Variants in EPHB1 observed in about 807,000 individuals in gnomAD.
The protein encoded by EPHB1 is ephrin type-B receptor 1.
EPHB1 carries 30 observed loss-of-function variants against 94.4 expected under a neutral mutation model. The ratio of observed to expected loss-of-function variants is 0.32; its 90% CI spans 0.24 to 0.43. The LOEUF (loss-of-function observed/expected upper bound fraction) is 0.43, where lower values mean the gene tolerates loss of function less well. EPHB1 is among the 20% of genes least tolerant of loss of function. EPHB1 has a pLI of 1.00. For synonymous variants in EPHB1, 522 were observed against 489.1 expected (o/e 1.07, Z -0.89); for missense variants, 1,055 against 1,308.3 (o/e 0.81, Z 2.99).
intron 1 of EPHB1, among the ~76,000 whole-genome samples, chr3:134,845,378 T>A (rs2036854137): frequency 6.6e-6 from 1 of 152,118 alleles, no homozygotes; most frequent in Non-Finnish European, 1.5e-5. Context: ...CATCTACCCA[T>A]CCATCTTGCT....
intron 1 of EPHB1, among the ~76,000 whole-genome samples, chr3:134,909,909 A>G (rs2038416194): frequency 6.6e-6 from 1 of 152,184 alleles, no homozygotes; most frequent in Non-Finnish European, 1.5e-5. Context: ...ACTCAGGTAC[A>G]AGCCTCAGAC....
At chr3:134,823,402 T>G (rs529653735) in intron 1 of EPHB1, among the ~76,000 whole-genome samples, 1 of 152,316 alleles carries the variant, frequency 6.6e-6, no homozygotes, top group East Asian at 1.9e-4. Flanking sequence ...CCCTAATGTC[T>G]GCCAGGGGTT....
chr3:134,984,672 AC>A (rs1559783106), intron 3 of EPHB1, among the ~76,000 whole-genome samples: 1 of 148,512 alleles, frequency 6.7e-6, no homozygotes, highest in Non-Finnish European at 1.5e-5. Context: ...CTCATTTGGG[AC>A]CCAAGGAGGT....
intron 4 of EPHB1, among the ~76,000 whole-genome samples, chr3:135,108,976 G>A (rs1440931013): frequency 2.0e-5 from 3 of 152,164 alleles, no homozygotes; most frequent in Non-Finnish European, 2.9e-5. Context: ...GTAAGGGGAG[G>A]GGGTCATATG....
intron 15 of EPHB1, among the ~76,000 whole-genome samples, chr3:135,256,410 T>C (rs988473801): frequency 3.3e-5 from 5 of 152,272 alleles, no homozygotes; most frequent in East Asian, 3.9e-4. Flanking sequence ...GTAGGGCAGG[T>C]CTGGTGGTGA....
intron 2 of EPHB1, among the ~76,000 whole-genome samples, chr3:134,932,284 GTTGT>G (rs1347982624): frequency 6.6e-6 from 1 of 152,118 alleles, no homozygotes; most frequent in Non-Finnish European, 1.5e-5. Context: ...CTGCTGCTTG[GTTGT>G]TTATGTGTGC....
chr3:135,173,710 C>G (rs977933776), intron 9 of EPHB1, among the ~76,000 whole-genome samples: 4 of 152,222 alleles, frequency 2.6e-5, no homozygotes, highest in African/African-American at 9.7e-5. Flanking sequence ...TGCTACCACC[C>G]GTGTGCCTCC....
rs1053926492 is a variant in EPHB1, at chr3:134,907,826, G to A, written c.59-17990G>A. ...AGATGTCATTGACTGATTGCATTTC[G>A]GAAGTGAGGGATAATTGTCTATGTC... On this transcript the variant is annotated intron_variant, in intron 1 of 15. Transcript: ENST00000398015. Among the ~76,000 whole-genome samples the A allele has an allele frequency of 9.2e-5, 14 of 152,146 alleles. No homozygotes were observed. In the East Asian group the frequency reaches 1.5e-3, roughly 17 times the overall value.
At chr3:135,010,012 T>G (rs1220664930) in intron 3 of EPHB1, among the ~76,000 whole-genome samples, 1 of 152,212 alleles carries the variant, frequency 6.6e-6, no homozygotes, top group African/African-American at 2.4e-5. Flanking sequence ...GCTATCCCTC[T>G]GATAGAATGA....
chr3:135,155,332 G>A lies in EPHB1; in HGVS notation c.1422+1056G>A, dbSNP rs541183834. ...GAGTAAACCTGAAGAAAGTAAGATC[G>A]TTGTGAAGCAGTTATCTGGAGGAGG... On this transcript the variant is annotated intron_variant, in intron 6 of 15. Transcript: ENST00000398015. Among the ~76,000 whole-genome samples the A allele has an allele frequency of 8.4e-4, 128 of 152,230 alleles. 1 individual carries two copies. The highest frequency in any genetic ancestry group is 2.9e-3 in the African/African-American group (121 of 41,550).
chr3:134,840,567 G>A (rs979991078), intron 1 of EPHB1: 4 of 152,152 alleles, frequency 2.6e-5, no homozygotes, highest in Non-Finnish European at 5.9e-5. Flanking sequence ...TAGTTTCTCA[G>A]TGCCCATACC....
chr3:134,811,824 C>T (rs1219070524), intron 1 of EPHB1, among the ~76,000 whole-genome samples: 1 of 152,154 alleles, frequency 6.6e-6, no homozygotes, highest in African/African-American at 2.4e-5. Flanking sequence ...TCAGTTTTAC[C>T]CAGTATGGCC....
intron 15 of EPHB1, among the ~76,000 whole-genome samples, chr3:135,255,147 T>A (rs1933319026): frequency 6.6e-6 from 1 of 152,108 alleles, no homozygotes; most frequent in Non-Finnish European, 1.5e-5. Flanking sequence ...ATTTTGTTGA[T>A]CCTTTCAAAA....
Position 135,114,537 on chromosome 3 carries a change from TAAAAA to T in EPHB1, c.961+7959_961+7963del, listed in dbSNP as rs56100882. On this transcript the variant is annotated intron_variant, in intron 4 of 15. Transcript: ENST00000398015. ...CAATATGGTGAAACCCTGTCTCTAC[TAAAAA>T]AAAAAAAAAAAAAAAAAAAAAAAAT... 1.6e-4 allele frequency among the ~76,000 whole-genome samples: 6 copies of T among 37,220 alleles called. No individual in the cohort carries two copies. In the East Asian group the frequency reaches 5.6e-3, roughly 34 times the overall value. The allele number at this position is 37,220 out of a possible 152,430, so 24.4% of individuals were successfully genotyped here. A position where few individuals can be genotyped will look rare whatever the true frequency, so the allele number is the denominator to read the frequency against.
intron 3 of EPHB1, among the ~76,000 whole-genome samples, chr3:135,017,738 C>A (rs1182055549): frequency 6.6e-6 from 1 of 152,158 alleles, no homozygotes; most frequent in Non-Finnish European, 1.5e-5. Context: ...TGCCCAAGCA[C>A]CTGGTGGCAC....
intron 3 of EPHB1, among the ~76,000 whole-genome samples, chr3:134,972,739 CA>C (rs1934027339): frequency 6.6e-6 from 1 of 151,948 alleles, no homozygotes; most frequent in African/African-American, 2.4e-5. Flanking sequence ...GCACAGGGAC[CA>C]AGAGGCAGGC....
At chr3:135,221,243 A>G (rs1211659660) in intron 12 of EPHB1, among the ~76,000 whole-genome samples, 3 of 152,082 alleles carry the variant, frequency 2.0e-5, no homozygotes, top group Non-Finnish European at 2.9e-5. Flanking sequence ...GTTCTTCCCA[A>G]TTTTCTTCCC....
At chr3:134,854,401 T>G (rs2037064832) in intron 1 of EPHB1, among the ~76,000 whole-genome samples, 1 of 152,128 alleles carries the variant, frequency 6.6e-6, no homozygotes, top group Non-Finnish European at 1.5e-5. Flanking sequence ...AGACCCACCA[T>G]GAACCTGGCT....
At chr3:134,990,343 C>T (rs982960825) in intron 3 of EPHB1, among the ~76,000 whole-genome samples, 4 of 152,204 alleles carry the variant, frequency 2.6e-5, no homozygotes, top group Admixed American at 6.5e-5. Flanking sequence ...GCTGATTCTT[C>T]CTTCATTTTA....
Sources: gnomAD v4.1 joint callset for allele counts (sites outside exome capture counted in the v4.1 genomes callset) on GRCh38, gnomAD v4.1.1 for gene constraint, MANE v1.5 for transcripts, NCBI Gene and HGNC (gene_info 2026-07-23, HGNC 2026-07-21) for gene names.